BAIAP2: variants seen among roughly 807,000 people sequenced by gnomAD.
The protein encoded by BAIAP2 is BAR/IMD domain-containing adapter protein 2.
A neutral mutation model predicts 63.0 loss-of-function variants in BAIAP2; 18 were observed. The observed-to-expected ratio is 0.29, with a 90% CI of 0.20 to 0.42. The LOEUF (loss-of-function observed/expected upper bound fraction) is 0.42. Among genes scored for constraint, BAIAP2 ranks in the 10% least tolerant of loss-of-function variants. BAIAP2 has a pLI of 1.00. For missense variants in BAIAP2, 610 were observed against 734.3 expected (o/e 0.83, Z 1.96); for synonymous variants, 386 against 307.6 (o/e 1.25, Z -2.67).
At chr17:81,042,779 G>A (rs1268336585) in intron 1 of BAIAP2, among the ~76,000 whole-genome samples, 1 of 152,202 alleles carries the variant, frequency 6.6e-6, no homozygotes, top group Non-Finnish European at 1.5e-5. Context: ...AATCTGTCCA[G>A]TAGAGGGTTT....
intron 13 of BAIAP2, chr17:81,109,372 TAAAAAAAAAAAAAA>T (rs747875777): frequency 2.2e-6 from 2 of 890,644 alleles, no homozygotes; most frequent in South Asian, 5.3e-5. Flanking sequence ...AGAAAAATCT[TAAAAAAAAAAAAAA>T]AAAAAAAAAG....
At chr17:81,052,898 G>C (rs992400670) in intron 1 of BAIAP2, among the ~76,000 whole-genome samples, 1 of 152,190 alleles carries the variant, frequency 6.6e-6, no homozygotes, top group Non-Finnish European at 1.5e-5. Context: ...CGGAAGACAC[G>C]GGAGGTGGCT....
chr17:81,067,740 A>T (rs1313239412), intron 3 of BAIAP2, among the ~76,000 whole-genome samples: 1 of 152,128 alleles, frequency 6.6e-6, no homozygotes, highest in East Asian at 1.9e-4. Context: ...CGCAGCGGGG[A>T]GGCACCCTCC....
intron 6 of BAIAP2, among the ~76,000 whole-genome samples, chr17:81,092,769 C>T (rs1341301240): frequency 2.6e-5 from 4 of 152,190 alleles, no homozygotes; most frequent in African/African-American, 7.2e-5. Context: ...GGGCCAGGTG[C>T]TGACAGACGT....
chr17:81,099,724 C>T lies in BAIAP2; in HGVS notation c.490-204C>T, dbSNP rs530713051. Among the ~76,000 whole-genome samples, 27 of 152,120 alleles carry T rather than the reference C, an allele frequency of 1.8e-4. No individual in the cohort carries two copies. The South Asian group carries it at 5.2e-3, about 29-fold the overall frequency. On this transcript the variant is annotated intron_variant, in intron 6 of 13. Transcript: ENST00000428708. ...GGAAGCCTTCTGGGGATGTGGCCATCGGGCATCTCCTGAGTGGTCCCGGGG... is the reference window on the plus strand; with the variant it reads ...GGAAGCCTTCTGGGGATGTGGCCATTGGGCATCTCCTGAGTGGTCCCGGGG...
intron 3 of BAIAP2, among the ~76,000 whole-genome samples, chr17:81,064,139 C>T (rs1314666340): frequency 7.3e-6 from 1 of 137,778 alleles, no homozygotes; most frequent in African/African-American, 2.7e-5. Flanking sequence ...CCTGGCTGCC[C>T]TTCTTCCTCC....
chr17:81,049,252 G>A (rs1478844026), intron 1 of BAIAP2, among the ~76,000 whole-genome samples: 1 of 152,180 alleles, frequency 6.6e-6, no homozygotes, highest in Non-Finnish European at 1.5e-5. Context: ...ACAGAACGTG[G>A]GCCCCTGGGG....
At chr17:81,065,320 G>A (rs1213567561) in intron 3 of BAIAP2, among the ~76,000 whole-genome samples, 2 of 152,216 alleles carry the variant, frequency 1.3e-5, no homozygotes, top group Non-Finnish European at 2.9e-5. Context: ...CCCCTGCAGG[G>A]GTCCAGGGTC....
chr17:81,112,731 T>C (rs910047398), intron 13 of BAIAP2, among the ~76,000 whole-genome samples: 1 of 152,226 alleles, frequency 6.6e-6, no homozygotes, highest in Non-Finnish European at 1.5e-5. Flanking sequence ...TCGGAATCCT[T>C]CTGCTTCACA....
intron 6 of BAIAP2, among the ~76,000 whole-genome samples, chr17:81,099,204 T>G (rs978770709): frequency 3.2e-5 from 3 of 92,384 alleles, no homozygotes; most frequent in African/African-American, 1.3e-4. Context: ...CTCGGTGACC[T>G]CTTGTCTGAT....
intron 1 of BAIAP2, among the ~76,000 whole-genome samples, chr17:81,041,553 G>A (rs1458485106): frequency 6.6e-6 from 1 of 152,020 alleles, no homozygotes; most frequent in African/African-American, 2.4e-5. Flanking sequence ...TTTTTTGTTT[G>A]TTTTTTGTTT....
intron 10 of BAIAP2, chr17:81,105,020 G>A (rs1013934708): frequency 2.0e-5 from 6 of 296,048 alleles, no homozygotes; most frequent in Non-Finnish European, 3.3e-5. Flanking sequence ...CCAATGGCAG[G>A]TATCTCCCCC....
At chr17:81,042,808 C>T (rs1231776707) in intron 1 of BAIAP2, among the ~76,000 whole-genome samples, 1 of 152,162 alleles carries the variant, frequency 6.6e-6, no homozygotes, top group Non-Finnish European at 1.5e-5. Context: ...CAGAGCCAAG[C>T]TTGGTCTGGG....
intron 6 of BAIAP2, among the ~76,000 whole-genome samples, chr17:81,092,323 C>T (rs1446676871): frequency 6.6e-6 from 1 of 152,224 alleles, no homozygotes; most frequent in Non-Finnish European, 1.5e-5. Context: ...GCACTGCCCG[C>T]CTCCACTGCC....
At chr17:81,092,804 C>G (rs867191629) in intron 6 of BAIAP2, among the ~76,000 whole-genome samples, 2 of 152,180 alleles carry the variant, frequency 1.3e-5, no homozygotes, top group African/African-American at 4.8e-5. Context: ...AGGGAATGTT[C>G]TCCACACCAC....
chr17:81,110,614 C>T (rs1008821010), intron 13 of BAIAP2: 43 of 1,239,846 alleles, frequency 3.5e-5, no homozygotes, highest in African/African-American at 2.3e-4. Context: ...GGCACTCAGT[C>T]GCCTGCTAGA....
intron 2 of BAIAP2, among the ~76,000 whole-genome samples, chr17:81,056,039 C>CA (rs762866244): frequency 2.0e-5 from 3 of 152,158 alleles, no homozygotes; most frequent in Non-Finnish European, 2.9e-5. Context: ...CCCTATGGTG[C>CA]ACCCCAGTTG....
intron 3 of BAIAP2, among the ~76,000 whole-genome samples, chr17:81,064,432 G>A (rs1021930871): frequency 6.6e-6 from 1 of 152,246 alleles, no homozygotes; most frequent in South Asian, 2.1e-4. Flanking sequence ...AGAGCCCTGA[G>A]CTCTGTTCTT....
chr17:81,111,431 A>G (rs1302344288), intron 13 of BAIAP2, among the ~76,000 whole-genome samples: 1 of 152,224 alleles, frequency 6.6e-6, no homozygotes, highest in Non-Finnish European at 1.5e-5. Context: ...GGGGAGCTCC[A>G]TAGGCACTGG....
Sources: gnomAD v4.1 joint callset for allele counts (sites outside exome capture counted in the v4.1 genomes callset) on GRCh38, gnomAD v4.1.1 for gene constraint, MANE v1.5 for transcripts, NCBI Gene and HGNC (gene_info 2026-07-23, HGNC 2026-07-21) for gene names.